The following VPS13B variants were observed in gnomAD, a reference collection of about 807,000 sequenced individuals.
VPS13B encodes intermembrane lipid transfer protein VPS13B.
A neutral mutation model predicts 426.4 loss-of-function variants in VPS13B; 285 were observed. That is an observed-to-expected ratio of 0.67 (90% CI 0.61 to 0.74). VPS13B has a LOEUF of 0.74. Ranked by LOEUF, VPS13B falls within the 30% of genes least tolerant of loss-of-function variation. VPS13B has a pLI of 0.00. For missense variants in VPS13B, 4,537 were observed against 4,782.6 expected (o/e 0.95, Z 1.51); for synonymous variants, 1,676 against 1,676.4 (o/e 1.00, Z 0.01).
chr8:99,671,522 T>C (rs1357190232), intron 35 of VPS13B, among the ~76,000 whole-genome samples: 1 of 152,188 alleles, frequency 6.6e-6, no homozygotes, highest in Non-Finnish European at 1.5e-5. Flanking sequence ...GCTTTTCAGA[T>C]AATATCCAGA....
intron 8 of VPS13B, among the ~76,000 whole-genome samples, chr8:99,128,647 A>G (rs1479847827): frequency 6.6e-6 from 1 of 151,960 alleles, no homozygotes; most frequent in Non-Finnish European, 1.5e-5. Context: ...TTTGTAAAGG[A>G]GATAAACCCA....
intron 54 of VPS13B, among the ~76,000 whole-genome samples, chr8:99,845,811 C>G (rs72676264): frequency 6.6e-6 from 1 of 152,048 alleles, no homozygotes; most frequent in African/African-American, 2.4e-5. Flanking sequence ...TATGTTTTCC[C>G]GACTTCTCAA....
intron 41 of VPS13B, among the ~76,000 whole-genome samples, chr8:99,778,263 G>A (rs1811840949): frequency 6.6e-6 from 1 of 151,194 alleles, no homozygotes; most frequent in Non-Finnish European, 1.5e-5. Flanking sequence ...CTGTTGTTAA[G>A]CATCTTGCCT....
chr8:99,871,292 G>A (rs1343956647), intron 60 of VPS13B, 156 bp from the exon 61 acceptor site: 2 of 1,163,468 alleles, frequency 1.7e-6, no homozygotes, highest in Non-Finnish European at 2.5e-6. Flanking sequence ...GAATCAGTCT[G>A]AGAACTGACA....
intron 19 of VPS13B, among the ~76,000 whole-genome samples, chr8:99,280,387 G>A (rs1243988616): frequency 2.0e-5 from 3 of 151,868 alleles, no homozygotes; most frequent in Non-Finnish European, 4.4e-5. Context: ...CTGTTAAGAC[G>A]GTATATATTT....
At chr8:99,123,463 A>T (rs569378371) in intron 8 of VPS13B, among the ~76,000 whole-genome samples, 1 of 152,248 alleles carries the variant, frequency 6.6e-6, no homozygotes, top group Non-Finnish European at 1.5e-5. Flanking sequence ...AACTGTGTAG[A>T]TCATTTTTAG....
intron 8 of VPS13B, among the ~76,000 whole-genome samples, chr8:99,125,443 C>T (rs945621124): frequency 6.6e-6 from 1 of 152,178 alleles, no homozygotes; most frequent in African/African-American, 2.4e-5. Flanking sequence ...TCTGCATCTC[C>T]CAGTTCACTG....
chr8:99,640,049 G>GAAGAAGAAGA (rs1299280170), intron 33 of VPS13B, among the ~76,000 whole-genome samples: 31 of 99,708 alleles, frequency 3.1e-4, no homozygotes, highest in African/African-American at 1.2e-3. Flanking sequence ...AGAAGAAGAA[G>GAAGAAGAAGA]AGAAAAGAAA....
At chr8:99,452,897 GA>G (rs1818268011) in intron 23 of VPS13B, among the ~76,000 whole-genome samples, 1 of 152,162 alleles carries the variant, frequency 6.6e-6, no homozygotes, top group Admixed American at 6.5e-5. Context: ...TTTCATTAGG[GA>G]GCACTTGCAG....
At chr8:99,641,204 C>T (rs914229942) in intron 33 of VPS13B, among the ~76,000 whole-genome samples, 3 of 152,146 alleles carry the variant, frequency 2.0e-5, no homozygotes, top group African/African-American at 7.2e-5. Flanking sequence ...TACTTTATCA[C>T]TTATATTTGT....
intron 8 of VPS13B, among the ~76,000 whole-genome samples, chr8:99,124,701 A>G (rs570694559): frequency 6.6e-6 from 1 of 152,104 alleles, no homozygotes; most frequent in Non-Finnish European, 1.5e-5. Context: ...CCTGGCCAAC[A>G]TGTTGAAACC....
chr8:99,585,064 G>C (rs1411107653), intron 33 of VPS13B, among the ~76,000 whole-genome samples: 1 of 152,180 alleles, frequency 6.6e-6, no homozygotes, highest in Non-Finnish European at 1.5e-5. Flanking sequence ...GAAGCAGTAA[G>C]GGAGTATACA....
rs1354931573 is a variant in VPS13B at position 99,861,754 on chromosome 8, C to T, written c.11045-22C>T. ...ATCATGTATGCGACAAGGAGGCTAACCCCATGCTCTTGTTCCCTCAGGTAC... is the reference window on the plus strand; with the variant it reads ...ATCATGTATGCGACAAGGAGGCTAATCCCATGCTCTTGTTCCCTCAGGTAC... On this transcript the variant is annotated intron_variant, in intron 57 of 61. Coordinates refer to ENST00000357162, the MANE Select transcript of VPS13B (RefSeq NM_152564.5). 4 of 1,583,248 alleles carry T rather than the reference C, an allele frequency of 2.5e-6. No individual in the cohort carries two copies. In the African/African-American group the frequency reaches 4.0e-5, roughly 16 times the overall value.
At chr8:99,612,827 T>C (rs543428149) in intron 33 of VPS13B, among the ~76,000 whole-genome samples, 2 of 152,322 alleles carry the variant, frequency 1.3e-5, no homozygotes, top group Admixed American at 1.3e-4. Flanking sequence ...CTCAGACAAA[T>C]GTGGATAGTC....
At chr8:99,711,761 AATAC>A (rs1230208671) in intron 36 of VPS13B, among the ~76,000 whole-genome samples, 2 of 152,234 alleles carry the variant, frequency 1.3e-5, no homozygotes, top group Non-Finnish European at 2.9e-5. Context: ...CCTTGAAGCT[AATAC>A]ATTGCCAAGA....
chr8:99,021,252 G>A (rs1475957681), intron 2 of VPS13B, among the ~76,000 whole-genome samples: 1 of 152,200 alleles, frequency 6.6e-6, no homozygotes, highest in African/African-American at 2.4e-5. Context: ...GAAAAAGTTT[G>A]CTGTCCTGCT....
At chr8:99,497,919 T>C (rs932627638) in intron 25 of VPS13B, among the ~76,000 whole-genome samples, 2 of 152,128 alleles carry the variant, frequency 1.3e-5, no homozygotes, top group African/African-American at 2.4e-5. Flanking sequence ...AAACTTTTAT[T>C]CAGAATGTAG....
intron 17 of VPS13B, among the ~76,000 whole-genome samples, chr8:99,245,385 G>A (rs778401192): frequency 2.4e-4 from 37 of 152,126 alleles, no homozygotes; most frequent in Admixed American, 7.2e-4. Context: ...GAATGTTTTT[G>A]TCTTGCTCTT....
chr8:99,467,207 A>C (rs1819155329), intron 23 of VPS13B, among the ~76,000 whole-genome samples: 2 of 152,152 alleles, frequency 1.3e-5, no homozygotes, highest in South Asian at 2.1e-4. Context: ...ATTTCTGTTA[A>C]TGTACGGTTT....
Sources: allele counts gnomAD v4.1 joint callset (sites outside exome capture counted in the v4.1 genomes callset), GRCh38; gene constraint gnomAD v4.1.1; transcripts MANE v1.5; gene names NCBI Gene and HGNC (gene_info 2026-07-23, HGNC 2026-07-21).